The following SMAD1 variants were observed in gnomAD, a reference collection of about 807,000 sequenced individuals.
The protein encoded by SMAD1 is MAD, mothers against decapentaplegic homolog 1.
Under a neutral mutation model 41.6 loss-of-function variants are expected in SMAD1, and 6 were observed. That is an observed-to-expected ratio of 0.14 (90% confidence interval 0.08 to 0.28). The LOEUF (loss-of-function observed/expected upper bound fraction) is 0.28. Among genes scored for constraint, SMAD1 ranks in the 10% least tolerant of loss-of-function variants. The pLI, the probability that SMAD1 is intolerant of heterozygous loss-of-function variation, is 1.00. For missense variants in SMAD1, 379 were observed against 582.6 expected (o/e 0.65, Z 3.60); for synonymous variants, 206 against 203.2 (o/e 1.01, Z -0.12).
chr4:145,554,155 G>A (rs1732712190), intron 6 of SMAD1, 115 bp downstream of exon 6: 1 of 962,724 alleles, frequency 1.0e-6, no homozygotes, highest in African/African-American at 1.7e-5. Context: ...TATCATATTA[G>A]CTGACTTATT....
intron 1 of SMAD1, among the ~76,000 whole-genome samples, chr4:145,500,129 G>T (rs550674218): frequency 6.6e-6 from 1 of 152,168 alleles, no homozygotes; most frequent in South Asian, 2.1e-4. Flanking sequence ...TTATCATCTT[G>T]TACCTTAACA....
At chr4:145,503,804 GGT>G (rs1729605074) in intron 1 of SMAD1, 1 of 152,174 alleles carries the variant, frequency 6.6e-6, no homozygotes, top group East Asian at 1.9e-4. Flanking sequence ...ATATCCCAAA[GGT>G]GTGCACGTTA....
Position 145,525,088 on chromosome 4 carries a change from T to A in SMAD1, c.400+10075T>A, listed in dbSNP as rs1470125970. On this transcript the variant is annotated intron_variant, in intron 2 of 6. Transcript: ENST00000302085. ...GTGCCCGGTGGCCTTGCTGGATACT[T>A]GGAAAAAGGAGAGAAATAGAAGAGG... Among the ~76,000 whole-genome samples the A allele has an allele frequency of 3.3e-5, 5 of 152,090 alleles. No homozygotes were observed. In the East Asian group the frequency reaches 9.6e-4, roughly 29 times the overall value.
chr4:145,552,296 C>T (rs887711398), intron 5 of SMAD1, among the ~76,000 whole-genome samples: 2 of 152,206 alleles, frequency 1.3e-5, no homozygotes, highest in Non-Finnish European at 2.9e-5. Flanking sequence ...AAATCCTAAC[C>T]GCTGTGTATA....
chr4:145,548,121 A>G (rs1010665709), intron 5 of SMAD1, among the ~76,000 whole-genome samples: 3 of 152,206 alleles, frequency 2.0e-5, no homozygotes, highest in Non-Finnish European at 4.4e-5. Context: ...ATGCCTCAGG[A>G]GCCAACTTAG....
At chr4:145,529,920 C>G (rs1415095097) in intron 2 of SMAD1, among the ~76,000 whole-genome samples, 1 of 152,124 alleles carries the variant, frequency 6.6e-6, no homozygotes, top group Admixed American at 6.6e-5. Flanking sequence ...AAGAATCTGC[C>G]TTTTTAAATA....
chr4:145,533,063 C>T (rs964571689), intron 2 of SMAD1, among the ~76,000 whole-genome samples: 11 of 152,202 alleles, frequency 7.2e-5, no homozygotes, highest in African/African-American at 2.7e-4. Context: ...GAGAACCACG[C>T]ATTGTCCTTC....
In SMAD1 at chr4:145,539,257, A is replaced by G. The variant is rs146624826; in HGVS notation, c.401-547A>G. On this transcript the variant is annotated intron_variant, in intron 2 of 6. Transcript: ENST00000302085. ...CACCTCATATTTTGTATAATTAACT[A>G]TCTTCATGGCATTTGCATTTTCTAC... Among the ~76,000 whole-genome samples, 8 of 152,338 alleles carry G rather than the reference A, an allele frequency of 5.3e-5. No homozygotes were observed. The East Asian group carries it at 1.3e-3, about 26-fold the overall frequency.
At chr4:145,555,468 G>T (rs1050332561) in intron 6 of SMAD1, among the ~76,000 whole-genome samples, 2 of 152,098 alleles carry the variant, frequency 1.3e-5, no homozygotes, top group Non-Finnish European at 2.9e-5. Context: ...TCTTTGAAAT[G>T]GGGGTGGATG....
chr4:145,506,489 A>G (rs1455487451), intron 1 of SMAD1, among the ~76,000 whole-genome samples: 1 of 152,092 alleles, frequency 6.6e-6, no homozygotes, highest in East Asian at 1.9e-4. Context: ...TTCCCTCAAT[A>G]TTTAATGGGA....
rs1405862539 is a variant in SMAD1, at chr4:145,547,878, C to T, written c.997+954C>T. 2.0e-5 allele frequency among the ~76,000 whole-genome samples: 3 copies of T among 146,944 alleles called. No homozygotes were observed. The South Asian group carries it at 6.7e-4, about 33-fold the overall frequency. ...GCATGGGTATGTATATGCGTTTTTA[C>T]TTGCGTATAGTTTCTGATCTGCCTG... On this transcript the variant is annotated intron_variant, in intron 5 of 6. Transcript: ENST00000302085.
chr4:145,524,053 C>T (rs1730900780), intron 2 of SMAD1, among the ~76,000 whole-genome samples: 1 of 152,174 alleles, frequency 6.6e-6, no homozygotes, highest in Non-Finnish European at 1.5e-5. Flanking sequence ...GCATGAGCTA[C>T]CATGCTCAGT....
intron 1 of SMAD1, among the ~76,000 whole-genome samples, chr4:145,504,553 C>G (rs746654162): frequency 2.6e-5 from 4 of 152,174 alleles, no homozygotes; most frequent in Non-Finnish European, 5.9e-5. Flanking sequence ...TTCTAGAGTT[C>G]TGTCTCCACC....
At position 145,540,016 on chromosome 4, in the gene SMAD1, C is replaced by T; in HGVS notation, c.613C>T (p.His205Tyr). Residue 205 changes from histidine to tyrosine, a missense_variant, in exon 3 of 7, where the codon CAC becomes TAC. Physicochemically the swap from His to Tyr is moderately conservative, Grantham distance 83 (BLOSUM62 2). Coordinates refer to ENST00000302085, the MANE Select transcript of SMAD1 (RefSeq NM_005900.3). ...TGGGAGCAGCAGCAGCACCTACCCT[C>T]ACTCTCCCACCAGCTCAGACCCAGG... is the stretch of plus-strand genomic sequence containing the variant. ...SPGSSSSTYP[H>Y]SPTSSDPGSP... 1 of 1,614,148 alleles carries T rather than the reference C, an allele frequency of 6.2e-7. No individual in the cohort carries two copies.
At chr4:145,528,329 T>C (rs1291334638) in intron 2 of SMAD1, among the ~76,000 whole-genome samples, 2 of 152,054 alleles carry the variant, frequency 1.3e-5, no homozygotes, top group African/African-American at 4.8e-5. Flanking sequence ...GGTCTCGAAC[T>C]CCTAATCTTG....
At chr4:145,519,750 A>T (rs1214103922) in intron 2 of SMAD1, among the ~76,000 whole-genome samples, 1 of 152,000 alleles carries the variant, frequency 6.6e-6, no homozygotes, top group East Asian at 1.9e-4. Flanking sequence ...AAAACTTACT[A>T]CTTCTAGCTT....
chr4:145,531,621 T>C (rs6852200), intron 2 of SMAD1, among the ~76,000 whole-genome samples: 24,214 of 152,098 alleles, frequency 0.16, 4,192 homozygotes, highest in African/African-American at 0.42. Context: ...GAAGACCCTG[T>C]GGAGAGCAAG....
chr4:145,520,502 G>A (rs1373375694), intron 2 of SMAD1, among the ~76,000 whole-genome samples: 1 of 150,702 alleles, frequency 6.6e-6, no homozygotes, highest in African/African-American at 2.5e-5. Flanking sequence ...CATCAAGTCC[G>A]ATTGTCTGGA....
At position 145,558,297 on chromosome 4, in the gene SMAD1, G is replaced by T. The variant is rs537694665; in HGVS notation, c.*363G>T. On this transcript the variant is annotated 3_prime_UTR_variant, in exon 7 of 7. Coordinates refer to ENST00000302085, the MANE Select transcript of SMAD1 (RefSeq NM_005900.3). ...TGGTGTTTGGCACTTTAAGGTCATC[G>T]TTGGGCAGAAGTTTAGCATTAATAG... Among the ~76,000 whole-genome samples, 3 of 152,332 alleles carry T rather than the reference G, an allele frequency of 2.0e-5. No homozygotes were observed. Among genetic ancestry groups the T allele is most frequent in the African/African-American group, 7.2e-5 (3 of 41,580 alleles).
Sources: allele counts gnomAD v4.1 joint callset (sites outside exome capture counted in the v4.1 genomes callset), GRCh38; gene constraint gnomAD v4.1.1; transcripts MANE v1.5; gene names NCBI Gene and HGNC (gene_info 2026-07-23, HGNC 2026-07-21).